The following NRP1 variants were observed in gnomAD, a reference collection of about 807,000 sequenced individuals.
NRP1 encodes neuropilin 1.
A neutral mutation model predicts 106.7 loss-of-function variants in NRP1; 35 were observed. The observed-to-expected ratio is 0.33, with a 90% confidence interval of 0.25 to 0.43. The LOEUF is 0.43. Among genes scored for constraint, NRP1 ranks in the 20% least tolerant of loss-of-function variants. NRP1 has a pLI of 1.00. For missense variants in NRP1, 1,024 were observed against 1,170.4 expected (o/e 0.87, Z 1.83); for synonymous variants, 437 against 417.9 (o/e 1.05, Z -0.56).
At chr10:33,225,761 A>G (rs1053870504) in intron 7 of NRP1, among the ~76,000 whole-genome samples, 1 of 152,264 alleles carries the variant, frequency 6.6e-6, no homozygotes, top group African/African-American at 2.4e-5. Flanking sequence ...TTACAGACAG[A>G]AAGAATCTAT....
chr10:33,216,679 A>G (rs2132848912), intron 8 of NRP1, among the ~76,000 whole-genome samples: 1 of 149,586 alleles, frequency 6.7e-6, no homozygotes, highest in African/African-American at 2.5e-5. Flanking sequence ...TGGGGTCAAG[A>G]GATCTTACCA....
Position 33,180,059 on chromosome 10 carries a change from T to G in NRP1, c.*17A>C. 5.0e-6 allele frequency: 8 copies of G among 1,611,288 alleles called. No homozygotes were observed. Among genetic ancestry groups the G allele is most frequent in the Non-Finnish European group, 6.8e-6 (8 of 1,178,408 alleles). On this transcript the variant is annotated 3_prime_UTR_variant, in exon 17 of 17. Coordinates refer to ENST00000374867, the MANE Select transcript of NRP1 (RefSeq NM_003873.7). ...TCCACTTCCGTCCTTTGACTGTCTT[T>G]TCATCTCTGTCTGCCTTCATGCCTC...
At chr10:33,199,367 C>CTATA (rs1413431395) in intron 11 of NRP1, among the ~76,000 whole-genome samples, 975 of 54,190 alleles carry the variant, frequency 0.018, 42 homozygotes, top group African/African-American at 0.026. Flanking sequence ...TGGCTGTTTT[C>CTATA]TATATATATA....
At chr10:33,189,151 C>T (rs1369872624) in intron 13 of NRP1, among the ~76,000 whole-genome samples, 2 of 151,456 alleles carry the variant, frequency 1.3e-5, no homozygotes, top group Non-Finnish European at 2.9e-5. Context: ...CACACACACA[C>T]ACACACTCAC....
intron 6 of NRP1, among the ~76,000 whole-genome samples, chr10:33,232,205 C>G (rs762870281): frequency 1.3e-5 from 2 of 152,148 alleles, no homozygotes; most frequent in Non-Finnish European, 2.9e-5. Context: ...TGCCACCCCT[C>G]TATGTTTTGG....
intron 2 of NRP1, among the ~76,000 whole-genome samples, chr10:33,322,383 T>G (rs1847574452): frequency 6.6e-6 from 1 of 152,160 alleles, no homozygotes; most frequent in Non-Finnish European, 1.5e-5. Flanking sequence ...TTATTTGTTT[T>G]TTTAAAAACT....
chr10:33,194,603 T>G (rs1292301871), intron 12 of NRP1: 1 of 427,614 alleles, frequency 2.3e-6, no homozygotes, highest in African/African-American at 2.0e-5. Flanking sequence ...TTCCCCATCC[T>G]GTACATTTAA....
intron 10 of NRP1, among the ~76,000 whole-genome samples, chr10:33,207,150 T>A (rs7076656): frequency 0.013 from 1,991 of 152,260 alleles, 47 homozygotes; most frequent in African/African-American, 0.046. Context: ...GGAAGTTGCC[T>A]GCTTTCTGGG....
chr10:33,255,336 G>A (rs1032829412), intron 5 of NRP1, among the ~76,000 whole-genome samples: 18 of 152,290 alleles, frequency 1.2e-4, no homozygotes, highest in Admixed American at 5.2e-4. Flanking sequence ...GAGATCTGGT[G>A]TAGAAGATAT....
intron 8 of NRP1, among the ~76,000 whole-genome samples, chr10:33,217,289 C>A (rs566548899): frequency 2.0e-5 from 3 of 152,056 alleles, no homozygotes; most frequent in Admixed American, 6.5e-5. Context: ...TTTCTGTATT[C>A]ATAGACTTAG....
At position 33,225,922 on chromosome 10, in the gene NRP1, C is replaced by CT. The variant is rs756457942; in HGVS notation, c.1137+211dup. Among the ~76,000 whole-genome samples the CT allele has an allele frequency of 2.0e-5, 3 of 152,164 alleles. No individual in the cohort carries two copies. The South Asian group carries it at 6.2e-4, about 32-fold the overall frequency. On this transcript the variant is annotated intron_variant, in intron 7 of 16. Coordinates refer to ENST00000374867, the MANE Select transcript of NRP1 (RefSeq NM_003873.7). ...TGACACTTAATTTGGCCTGTATTGACTTTTTTTGGAAACATTCACATAATT... is the reference window on the plus strand; with the variant it reads ...TGACACTTAATTTGGCCTGTATTGACTTTTTTTTGGAAACATTCACATAATT...
intron 3 of NRP1, among the ~76,000 whole-genome samples, chr10:33,268,560 C>T (rs1266538086): frequency 2.6e-5 from 4 of 152,150 alleles, no homozygotes; most frequent in Non-Finnish European, 5.9e-5. Context: ...AGCTGAGTTC[C>T]TTTGGAAGGA....
intron 7 of NRP1, among the ~76,000 whole-genome samples, chr10:33,224,537 T>A (rs974844948): frequency 2.0e-5 from 3 of 148,590 alleles, no homozygotes; most frequent in Non-Finnish European, 4.4e-5. Context: ...ACCTCATGGT[T>A]CCATTTTGTT....
chr10:33,254,171 C>T lies in NRP1; in HGVS notation c.838G>A (p.Gly280Ser). The T allele has an allele frequency of 6.2e-7, 1 of 1,611,956 alleles. No homozygotes were observed. The highest frequency in any genetic ancestry group is 1.3e-5 in the African/African-American group (1 of 74,916). Reference sequence around the variant, plus strand: ...GAATGAATTTCTCCTGATTCCATGCCCAGAGCTTCCATACATTTGAAATCT... The same window carrying T: ...GAATGAATTTCTCCTGATTCCATGCTCAGAGCTTCCATACATTTGAAATCT... ...SEDFKCMEALGMESGEIHSDQ... is the reference protein window; with the variant it reads ...SEDFKCMEALSMESGEIHSDQ... Residue 280 changes from glycine to serine, a missense_variant, in exon 6 of 17, where the codon GGC becomes AGC. Gly to Ser is a moderately conservative substitution (Grantham distance 56). Coordinates refer to ENST00000374867, the MANE Select transcript of NRP1 (RefSeq NM_003873.7).
At chr10:33,317,222 A>G (rs1343738397) in intron 2 of NRP1, among the ~76,000 whole-genome samples, 1 of 152,248 alleles carries the variant, frequency 6.6e-6, no homozygotes, top group Non-Finnish European at 1.5e-5. Context: ...TGTGTATCAC[A>G]TAAGGCCATT....
chr10:33,186,318 G>A lies in NRP1; in HGVS notation c.2233C>T (p.Pro745Ser). The change falls in exon 14 of 17, where the codon CCA becomes TCA. Residue 745 changes from proline (P) to serine (S), a missense_variant. This residue lies in a region of NRP1 where 562 missense variants were observed against 620.3 expected (regional missense o/e 0.91). Coordinates refer to ENST00000374867, the MANE Select transcript of NRP1 (RefSeq NM_003873.7). ...TLRVKLRYQK[P>S]EEYDQLVWMA... ...CAGACCAGCTGATCGTACTCCTCTG[G>A]CTTCTGGTAGCGCAGTTTGACCCTG... is the stretch of plus-strand genomic sequence containing the variant. 6.2e-7 allele frequency: 1 copy of A among 1,614,118 alleles called. No homozygotes were observed. The highest frequency in any genetic ancestry group is 8.5e-7 in the Non-Finnish European group (1 of 1,180,026).
chr10:33,252,846 C>T (rs1039704692), intron 6 of NRP1, among the ~76,000 whole-genome samples: 1 of 152,178 alleles, frequency 6.6e-6, no homozygotes, highest in Non-Finnish European at 1.5e-5. Context: ...TGGAGGTTAG[C>T]GTGAGTTCAG....
chr10:33,222,403 A>G (rs1367415004), intron 7 of NRP1, among the ~76,000 whole-genome samples: 1 of 152,086 alleles, frequency 6.6e-6, no homozygotes, highest in East Asian at 1.9e-4. Context: ...TCCTTTTTTG[A>G]TTATTGGTAA....
intron 4 of NRP1, among the ~76,000 whole-genome samples, chr10:33,260,135 A>G (rs1048646408): frequency 3.3e-5 from 5 of 152,188 alleles, no homozygotes; most frequent in Non-Finnish European, 5.9e-5. Flanking sequence ...AAGTGATGGG[A>G]TTACAGGAGT....
Sources: gnomAD v4.1 joint callset for allele counts (sites outside exome capture counted in the v4.1 genomes callset) on GRCh38, gnomAD v4.1.1 for gene constraint, gnomAD v4.1.1 regional missense constraint, MANE v1.5 for transcripts, NCBI Gene and HGNC (gene_info 2026-07-23, HGNC 2026-07-21) for gene names.